GNAS: variants seen among roughly 807,000 people sequenced by gnomAD.
GNAS encodes GNAS complex locus, also known as protein ALEX.
GNAS carries 8 observed loss-of-function variants against 54.5 expected under a neutral mutation model. That is an observed-to-expected ratio of 0.15 (90% CI 0.09 to 0.26). The LOEUF is 0.26. Ranked by LOEUF, GNAS falls within the 10% of genes least tolerant of loss-of-function variation. The pLI is 1.00. For synonymous variants in GNAS, 204 were observed against 191.4 expected, an observed-to-expected ratio of 1.07 and a Z score of -0.54; for missense variants, 170 against 529.8, an observed-to-expected ratio of 0.32 and a Z score of 6.67.
At chr20:58,855,167 C>T in intron 1 of GNAS, 1 of 1,611,384 alleles carries the variant, frequency 6.2e-7, no homozygotes, top group Non-Finnish European at 8.5e-7. Context: ...CGCGCTCTCT[C>T]AAGGTCAAGA....
chr20:58,844,803 A>C lies in GNAS; in HGVS notation c.43+3917A>C, dbSNP rs145568225. 4.7e-3 allele frequency among the ~76,000 whole-genome samples: 712 copies of C among 152,216 alleles called. 5 individuals are homozygous for C. Among genetic ancestry groups the C allele is most frequent in the African/African-American group, 0.014 (593 of 41,506 alleles). On this transcript the variant is annotated intron_variant, in intron 1 of 12. Transcript: ENST00000306090. ...ACAGTGTGAGACTCCATCTCAAAAA[A>C]AAAACAAAACAAAACAACAACAACA...
At chr20:58,865,517 AAT>A (rs2087009829) in intron 1 of GNAS, among the ~76,000 whole-genome samples, 1 of 147,798 alleles carries the variant, frequency 6.8e-6, no homozygotes, top group African/African-American at 2.5e-5. Flanking sequence ...ATACATATAT[AAT>A]ATATATCATC....
chr20:58,860,276 G>A (rs1297303621), intron 1 of GNAS, among the ~76,000 whole-genome samples: 1 of 150,026 alleles, frequency 6.7e-6, no homozygotes, highest in African/African-American at 2.4e-5. Context: ...TGCAGTCTTA[G>A]TTTGTTGGGC....
chr20:58,863,803 T>A lies in GNAS; in HGVS notation c.43+22917T>A, dbSNP rs1405437787. The A allele has an allele frequency of 6.6e-6, 1 of 152,666 alleles. No homozygotes were observed. Among genetic ancestry groups the A allele is most frequent in the Admixed American group, 6.5e-5 (1 of 15,286 alleles). 9.5% of individuals were successfully genotyped at this position (152,666 alleles called of 1,614,324 possible). On this transcript the variant is annotated intron_variant, in intron 1 of 12. Coordinates refer to the GNAS transcript ENST00000306090. This position sits in a 1 kb window ranked among gnomAD's most constrained non-coding sequence, Gnocchi z 4.1. The stretch of plus-strand genomic sequence containing the variant: ...TTTTCCATTTGAACGATTTTGCCAT[T>A]CATCAAACTGATTGCTAATGTGCAA...
chr20:58,891,533 A>G lies in GNAS; in HGVS notation c.-194A>G, dbSNP rs973405828. 1 of 971,056 alleles carries G rather than the reference A, an allele frequency of 1.0e-6. No individual in the cohort carries two copies. The highest frequency in any genetic ancestry group is 6.5e-5 in the Admixed American group (1 of 15,416). 60.2% of individuals were successfully genotyped at this position (971,056 alleles called of 1,614,324 possible). On this transcript the variant is annotated 5_prime_UTR_variant, in exon 1 of 13. Coordinates refer to ENST00000371085, the MANE Select transcript of GNAS (RefSeq NM_000516.7). ...GCGCGCGCCCCTCGGTCCGACCGAC[A>G]CCCTCCCCTTCCCGCCCGTCCGCGC...
intron 3 of GNAS, chr20:58,899,845 G>A (rs1250474194): frequency 1.0e-5 from 7 of 698,592 alleles, no homozygotes; most frequent in Non-Finnish European, 5.3e-6. Flanking sequence ...TTAGTTTAGG[G>A]CATCTCAAAG....
At position 58,853,607 on chromosome 20, in the gene GNAS, C is replaced by T; in HGVS notation, c.43+12721C>T. On this transcript the variant is annotated intron_variant, in intron 1 of 12. Transcript: ENST00000306090. This position sits in a 1 kb window ranked among gnomAD's most constrained non-coding sequence, Gnocchi z 4.4. ...CTGAACAGCCCAGCTTGGGAGGCTT[C>T]TGGCCTACACTGGAGCAGCCTGGAT... The T allele has an allele frequency of 1.9e-6, 3 of 1,613,344 alleles. No individual in the cohort carries two copies. Among genetic ancestry groups the T allele is most frequent in the Non-Finnish European group, 2.5e-6 (3 of 1,179,884 alleles).
rs140783450 is a variant in GNAS at position 58,875,758 on chromosome 20, G to A, written c.44-19854G>A. ...AGGGTGCCTGACTCATTCCGGCTCC[G>A]GTCGATAATGACAAGCCCCATGTTT... On this transcript the variant is annotated intron_variant, in intron 1 of 12. Transcript: ENST00000306090. Among the ~76,000 whole-genome samples, 178 of 152,310 alleles carry A rather than the reference G, an allele frequency of 1.2e-3. 1 individual carries two copies. Among genetic ancestry groups the A allele is most frequent in the African/African-American group, 4.0e-3 (167 of 41,560 alleles).
intron 3 of GNAS, chr20:58,900,100 C>A: frequency 1.7e-6 from 1 of 579,322 alleles, no homozygotes; most frequent in Non-Finnish European, 3.1e-6. Context: ...GCCCCTGCTA[C>A]CTGACCTTAA....
upstream of GNAS, chr20:58,840,551 G>A: frequency 6.2e-7 from 1 of 1,613,278 alleles, no homozygotes; most frequent in Non-Finnish European, 8.5e-7. The surrounding 1 kb of genome is among the most constrained non-coding windows in gnomAD (Gnocchi z 6.0). Context: ...CGGCCCGGTG[G>A]TGCCCAAGCA....
rs558915293 is a variant in GNAS, at chr20:58,909,207, G to T, written c.576G>T (p.Pro192=). 2.5e-5 allele frequency: 41 copies of T among 1,613,814 alleles called. No homozygotes were observed. The highest frequency in any genetic ancestry group is 3.5e-5 in the Non-Finnish European group (41 of 1,179,844). ...TGATCAAGCAGGCTGACTATGTGCC[G>T]AGCGATCAGGTGTGCAAAACCCCTC... The part of the protein sequence containing the change: ...IDVIKQADYV[P]SDQDLLRCRV... The change falls in exon 7 of 13, where the codon CCG becomes CCT. Residue 192 remains proline, a synonymous_variant. Coordinates refer to ENST00000371085, the MANE Select transcript of GNAS (RefSeq NM_000516.7). The surrounding 1 kb of genome is among the most constrained non-coding windows in gnomAD (Gnocchi z 7.3).
intron 2 of GNAS, chr20:58,898,718 C>T: frequency 3.2e-6 from 2 of 630,082 alleles, no homozygotes; most frequent in Non-Finnish European, 5.7e-6. Flanking sequence ...GTTAATACTG[C>T]AGCAAAGGTG....
In GNAS at chr20:58,908,941, CTAAAATTATTTATCT is replaced by C. The variant is rs1363619624; in HGVS notation, c.531-216_531-202del. ...AGACGCATCTAGAGTTCCCTGATTC[CTAAAATTATTTATCT>C]TAAATCCTGTTTGCCCTAACCTTCT... On this transcript the variant is annotated intron_variant, in intron 6 of 12. Transcript: ENST00000371085. 9.0e-6 allele frequency: 6 copies of C among 666,980 alleles called. No homozygotes were observed. The African/African-American group carries it at 1.1e-4, about 12-fold the overall frequency. 41.3% of individuals were successfully genotyped at this position (666,980 alleles called of 1,614,324 possible). A position where few individuals can be genotyped will look rare whatever the true frequency, so the allele number is the denominator to read the frequency against.
intron 3 of GNAS, among the ~76,000 whole-genome samples, chr20:58,901,106 T>C (rs1418319796): frequency 2.0e-5 from 3 of 152,224 alleles, no homozygotes; most frequent in Non-Finnish European, 2.9e-5. Context: ...ATTTTACTAT[T>C]GTGGAACCTC....
chr20:58,855,940 A>C, intron 1 of GNAS: 1 of 378,910 alleles, frequency 2.6e-6, no homozygotes, highest in Non-Finnish European at 4.7e-6. Flanking sequence ...TGGCCCGGGC[A>C]AAAAACTTTC....
At chr20:58,872,618 C>T (rs1397621322) in intron 1 of GNAS, among the ~76,000 whole-genome samples, 1 of 151,794 alleles carries the variant, frequency 6.6e-6, no homozygotes, top group Non-Finnish European at 1.5e-5. Context: ...AAGTTTTATT[C>T]TCTTGGGTTA....
Position 58,903,511 on chromosome 20 carries a change from T to G in GNAS, c.258-20T>G, listed in dbSNP as rs1479919614. The G allele has an allele frequency of 6.2e-7, 1 of 1,606,128 alleles. No individual in the cohort carries two copies. On this transcript the variant is annotated intron_variant, in intron 3 of 12. Transcript: ENST00000371085. ...GACATGGTGCAATATGATTTTCTTT[T>G]CTTTTCAATCCCACTGCAGTGAGAA...
At chr20:58,845,631 G>C (rs778719385) in intron 1 of GNAS, among the ~76,000 whole-genome samples, 3 of 152,188 alleles carry the variant, frequency 2.0e-5, no homozygotes, top group African/African-American at 7.2e-5. Flanking sequence ...GGCCATATGT[G>C]GGGGGTGGGG....
chr20:58,903,837 GCA>G, intron 5 of GNAS, 46 bp downstream of exon 5: 1 of 1,610,182 alleles, frequency 6.2e-7, no homozygotes, highest in Non-Finnish European at 8.5e-7. Flanking sequence ...GCCCACCTGA[GCA>G]CAGTGTCCAT....
Sources: allele counts gnomAD v4.1 joint callset (sites outside exome capture counted in the v4.1 genomes callset), GRCh38; gene constraint gnomAD v4.1.1; non-coding constraint Gnocchi (gnomAD v3.1); transcripts MANE v1.5; gene names NCBI Gene and HGNC (gene_info 2026-07-23, HGNC 2026-07-21).